CTBP1: variants seen among roughly 807,000 people sequenced by gnomAD.
CTBP1 encodes C-terminal-binding protein 1.
CTBP1 carries 11 observed loss-of-function variants against 42.1 expected under a neutral mutation model. The ratio of observed to expected loss-of-function variants is 0.26; its 90% CI spans 0.16 to 0.43. The LOEUF is 0.43. Ranked by LOEUF, CTBP1 falls within the 20% of genes least tolerant of loss-of-function variation. The probability of loss-of-function intolerance (pLI) is 1.00; values close to 1 mark genes in which losing one functional copy is unlikely to be tolerated. For missense variants in CTBP1, 399 were observed against 624.3 expected (o/e 0.64, Z 3.85); for synonymous variants, 324 against 277.1 (o/e 1.17, Z -1.68).
intron 3 of CTBP1, among the ~76,000 whole-genome samples, chr4:1,232,353 C>G (rs967747486): frequency 6.6e-6 from 1 of 152,142 alleles, no homozygotes; most frequent in African/African-American, 2.4e-5. Flanking sequence ...GCTCTGTTGC[C>G]CAGGCTGGAG....
chr4:1,230,129 A>ATT (rs1730806239), intron 3 of CTBP1, among the ~76,000 whole-genome samples: 1 of 152,096 alleles, frequency 6.6e-6, no homozygotes, highest in African/African-American at 2.4e-5. Context: ...CACCAGACGC[A>ATT]GTGTGGACGG....
At chr4:1,223,213 G>T (rs1015707870) in intron 5 of CTBP1, among the ~76,000 whole-genome samples, 3 of 151,638 alleles carry the variant, frequency 2.0e-5, no homozygotes, top group African/African-American at 7.3e-5. Flanking sequence ...AACCACACAT[G>T]CGGGCCATGG....
chr4:1,228,513 CG>C lies in CTBP1; in HGVS notation c.163-171del, dbSNP rs1048954201. On this transcript the variant is annotated intron_variant, in intron 3 of 9. Transcript: ENST00000382952. ...TACATGAAGGCTTCCCCGCCACGCG[CG>C]GCCCCTCAACCTCTGCCCAGGCGTC... is the stretch of plus-strand genomic sequence containing the variant. Among the ~76,000 whole-genome samples the C allele has an allele frequency of 8.6e-4, 131 of 152,366 alleles. 1 individual carries two copies. Among genetic ancestry groups the C allele is most frequent in the African/African-American group, 3.0e-3 (126 of 41,592 alleles).
At chr4:1,221,542 C>CA in intron 5 of CTBP1, 1 of 169,774 alleles carries the variant, frequency 5.9e-6, no homozygotes, top group East Asian at 1.9e-4. Flanking sequence ...GTGCTGTGTT[C>CA]ACGTGATGGA....
rs932604953 is a variant in CTBP1, at chr4:1,216,202, C to T, written c.518G>A (p.Arg173His). ...CCGCAGCGCCACTGCCTGCCCCACG[C>T]GACCTGGTGGCGTCAAGACACAGTG... ...GETLGIIGLGRVGQAVALRAK... is the reference protein window; with the variant it reads ...GETLGIIGLGHVGQAVALRAK... The change falls in exon 6 of 10, where the codon CGC becomes CAC. Residue 173 changes from arginine to histidine, a missense_variant. Transcript: ENST00000382952. The T allele has an allele frequency of 1.5e-5, 24 of 1,609,160 alleles. 1 individual carries two copies. Among genetic ancestry groups the T allele is most frequent in the South Asian group, 3.3e-5 (3 of 90,882 alleles).
At chr4:1,212,842 G>A (rs1728688653) in intron 9 of CTBP1, 71 bp downstream of exon 9, 1 of 1,333,848 alleles carries the variant, frequency 7.5e-7, no homozygotes, top group Non-Finnish European at 1.1e-6. Context: ...CTCCCACCAG[G>A]GGCTGTGCTG....
Position 1,238,005 on chromosome 4 carries a change from G to C in CTBP1, c.162+178C>G. ...AGGGCAAACCCGATGTCCACCTCCT[G>C]ATGGTGTCCAGGGAAAACCCCGTGT... On this transcript the variant is annotated intron_variant, in intron 3 of 9. Coordinates refer to ENST00000382952, the MANE Select transcript of CTBP1 (RefSeq NM_001012614.2). The surrounding 1 kb of genome is among the most constrained non-coding windows in gnomAD (Gnocchi z 5.9). 1.2e-6 allele frequency: 1 copy of C among 823,858 alleles called. No homozygotes were observed. The allele number at this position is 823,858 out of a possible 1,614,324, so 51.0% of individuals were successfully genotyped here.
intron 1 of CTBP1, among the ~76,000 whole-genome samples, chr4:1,247,533 A>G (rs1225191137): frequency 6.6e-6 from 1 of 152,078 alleles, no homozygotes; most frequent in Non-Finnish European, 1.5e-5. Flanking sequence ...AGGACACAGA[A>G]AGGGGGACCC....
At chr4:1,230,115 G>A (rs1560258961) in intron 3 of CTBP1, among the ~76,000 whole-genome samples, 1 of 152,186 alleles carries the variant, frequency 6.6e-6, no homozygotes, top group Non-Finnish European at 1.5e-5. Flanking sequence ...GCAGACCCCT[G>A]GTGCACCAGA....
intron 1 of CTBP1, chr4:1,242,938 G>C: frequency 2.0e-6 from 2 of 984,398 alleles, no homozygotes; most frequent in Non-Finnish European, 2.4e-6. Flanking sequence ...AACGCCAGCC[G>C]ATACTCATCA....
rs546003895 is a variant in CTBP1 at position 1,238,315 on chromosome 4, G to A, written c.30C>T (p.Asn10=). 57 of 1,581,240 alleles carry A rather than the reference G, an allele frequency of 3.6e-5. No homozygotes were observed. In the South Asian group the frequency reaches 4.4e-4, roughly 12 times the overall value. Residue 10 remains asparagine (N), a synonymous_variant, in exon 3 of 10, where the codon AAC becomes AAT. Coordinates refer to ENST00000382952, the MANE Select transcript of CTBP1 (RefSeq NM_001012614.2). This position sits in a 1 kb window ranked among gnomAD's most constrained non-coding sequence, Gnocchi z 5.9. ...CCAGGGGCCGCGGGTGCAGGGGCCC[G>A]TTCATGATCGGAGGTCGGACGCCTG... The part of the protein sequence containing the change: MSGVRPPIM[N]GPLHPRPLVA...
rs1206896713 is a variant in CTBP1 at position 1,236,577 on chromosome 4, C to A, written c.162+1606G>T. 6.9e-5 allele frequency: 46 copies of A among 670,342 alleles called. No individual in the cohort carries two copies. In the Admixed American group the frequency reaches 7.0e-4, roughly 10 times the overall value. The allele number at this position is 670,342 out of a possible 1,614,324, so 41.5% of individuals were successfully genotyped here. A position where few individuals can be genotyped will look rare whatever the true frequency, so the allele number is the denominator to read the frequency against. On this transcript the variant is annotated intron_variant, in intron 3 of 9. Coordinates refer to ENST00000382952, the MANE Select transcript of CTBP1 (RefSeq NM_001012614.2). ...GGCTCAGGACAAACCGAGTGTCCAC[C>A]TCCTGATGGGGCTCAGGACAAACCC...
chr4:1,212,397 G>GCCACGCCCA lies in CTBP1; in HGVS notation c.1124_1132dup (p.Val375_Val377dup). ...CACAGCAGCTGGGATGCCAGTGGGG[G>GCCACGCCCA]CCACGCCCACCACGCCCGGAGGGTA... is the stretch of plus-strand genomic sequence containing the variant. On this transcript the variant is annotated inframe_insertion, in exon 10 of 10. Transcript: ENST00000382952. The GCCACGCCCA allele has an allele frequency of 6.7e-7, 1 of 1,484,212 alleles. No individual in the cohort carries two copies. The allele number at this position is 1,484,212 out of a possible 1,614,324, so 91.9% of individuals were successfully genotyped here. A position where few individuals can be genotyped will look rare whatever the true frequency, so the allele number is the denominator to read the frequency against.
At chr4:1,245,745 G>A (rs1156264718) in intron 1 of CTBP1, among the ~76,000 whole-genome samples, 1 of 152,120 alleles carries the variant, frequency 6.6e-6, no homozygotes, top group Non-Finnish European at 1.5e-5. Flanking sequence ...CGTGTGGGTA[G>A]GGTAGCACGG....
intron 6 of CTBP1, 27 bp downstream of exon 6, chr4:1,215,962 TAG>T: frequency 6.3e-7 from 1 of 1,583,984 alleles, no homozygotes; most frequent in Non-Finnish European, 8.6e-7. Flanking sequence ...CCCGCAGAAG[TAG>T]AGTCCTGTGT....
At chr4:1,221,811 G>T (rs1312817336) in intron 5 of CTBP1, 2 of 447,784 alleles carry the variant, frequency 4.5e-6, no homozygotes, top group Non-Finnish European at 9.0e-6. Flanking sequence ...TTCATGGGGT[G>T]AATGTGTACA....
At chr4:1,214,041 G>C in intron 7 of CTBP1, 1 of 450,614 alleles carries the variant, frequency 2.2e-6, no homozygotes, top group East Asian at 4.1e-5. Flanking sequence ...TGACTCCATG[G>C]CCAGGGCCCA....
At chr4:1,212,885 G>A (rs566973664) in intron 9 of CTBP1, 28 bp downstream of exon 9, 2 of 1,589,420 alleles carry the variant, frequency 1.3e-6, no homozygotes, top group East Asian at 2.2e-5. Context: ...CCTCCTGGAG[G>A]CTGTTCTGGG....
In CTBP1 at chr4:1,213,381, G is replaced by A; in HGVS notation, c.988+97C>T. The A allele has an allele frequency of 3.8e-6, 6 of 1,570,130 alleles. No individual in the cohort carries two copies. In the Admixed American group the frequency reaches 1.1e-4, roughly 28 times the overall value. On this transcript the variant is annotated intron_variant, in intron 8 of 9. Transcript: ENST00000382952. ...GAGCACCACGGGCCCTGAGCTGGCAGAACATGGGCCTGGCTGCCAGGCGGA... is the reference window on the plus strand; with the variant it reads ...GAGCACCACGGGCCCTGAGCTGGCAAAACATGGGCCTGGCTGCCAGGCGGA...
Sources: allele counts gnomAD v4.1 joint callset (sites outside exome capture counted in the v4.1 genomes callset), GRCh38; gene constraint gnomAD v4.1.1; non-coding constraint Gnocchi (gnomAD v3.1); transcripts MANE v1.5; gene names NCBI Gene and HGNC (gene_info 2026-07-23, HGNC 2026-07-21).